Variants in GLP1R observed in about 807,000 individuals in gnomAD.
GLP1R encodes glucagon like peptide 1 receptor, also known as glucagon-like peptide 1 receptor.
Under a neutral mutation model 68.4 loss-of-function variants are expected in GLP1R, and 32 were observed. The ratio of observed to expected loss-of-function variants is 0.47; its 90% CI spans 0.35 to 0.63. The LOEUF (loss-of-function observed/expected upper bound fraction) is 0.63, where lower values mean the gene tolerates loss of function less well. Among genes scored for constraint, GLP1R ranks in the 20% least tolerant of loss-of-function variants. GLP1R has a pLI of 0.00. For missense variants in GLP1R, 502 were observed against 594.9 expected (o/e 0.84, Z 1.62); for synonymous variants, 263 against 244.4 (o/e 1.08, Z -0.71).
At position 39,065,816 on chromosome 6, in the gene GLP1R, A is replaced by C. The variant is rs761383378; in HGVS notation, c.389A>C (p.Lys130Thr). The change falls in exon 4 of 13, where the codon AAG becomes ACG. Residue 130 changes from lysine (K) to threonine (T), a missense_variant. Lys to Thr is a moderately conservative substitution (Grantham distance 78, BLOSUM62 -1). Coordinates refer to ENST00000373256, the MANE Select transcript of GLP1R (RefSeq NM_002062.5). Reference sequence around the variant, plus strand: ...GACTTGTCGGAGTGCGAGGAGTCCAAGCGAGGGGAAAGAGTGAGTTGAGGC... The same window carrying C: ...GACTTGTCGGAGTGCGAGGAGTCCACGCGAGGGGAAAGAGTGAGTTGAGGC... The part of the protein sequence containing the change: ...WRDLSECEES[K>T]RGERSSPEEQ... The C allele has an allele frequency of 4.4e-6, 7 of 1,594,434 alleles. No homozygotes were observed. The South Asian group carries it at 7.8e-5, about 18-fold the overall frequency.
At chr6:39,064,534 C>T (rs1223042320) in intron 3 of GLP1R, among the ~76,000 whole-genome samples, 2 of 152,096 alleles carry the variant, frequency 1.3e-5, no homozygotes, top group Non-Finnish European at 2.9e-5. Context: ...AGGTCAATAT[C>T]CCCCCACCCT....
chr6:39,081,932 A>G (rs1362797090), intron 12 of GLP1R, among the ~76,000 whole-genome samples: 1 of 152,184 alleles, frequency 6.6e-6, no homozygotes, highest in African/African-American at 2.4e-5. Flanking sequence ...TCCTTCCTTC[A>G]AGGTGGGATG....
rs1345687817 is a variant in GLP1R, at chr6:39,086,351, TGAG to T, written c.*284_*286del. 1.1e-5 allele frequency: 4 copies of T among 357,690 alleles called. No homozygotes were observed. The highest frequency in any genetic ancestry group is 4.4e-5 in the Admixed American group (1 of 22,950). The allele number at this position is 357,690 out of a possible 1,614,324, so 22.2% of individuals were successfully genotyped here. ...AGAGGAAAAACGATCGCTGTGAAAA[TGAG>T]GAGGATTGCTTCTTGTGAAACCACA... On this transcript the variant is annotated 3_prime_UTR_variant, in exon 13 of 13. Coordinates refer to ENST00000373256, the MANE Select transcript of GLP1R (RefSeq NM_002062.5). This position sits in a 1 kb window ranked among gnomAD's most constrained non-coding sequence, Gnocchi z 4.5.
chr6:39,050,152 G>C (rs1173636353), intron 1 of GLP1R, among the ~76,000 whole-genome samples: 4 of 152,056 alleles, frequency 2.6e-5, no homozygotes, highest in Non-Finnish European at 5.9e-5. Flanking sequence ...CTGCTGTCCT[G>C]AGCCCCAGGA....
Position 39,065,701 on chromosome 6 carries a change from C to T in GLP1R, c.284-10C>T. ...GGGCTGAGGCTCAGGGCCAGGTCTCCCCACCCCAGTGCCGCAGGGCCACGT... is the reference window on the plus strand; with the variant it reads ...GGGCTGAGGCTCAGGGCCAGGTCTCTCCACCCCAGTGCCGCAGGGCCACGT... On this transcript the variant is annotated splice_polypyrimidine_tract_variant and intron_variant, in intron 3 of 12. Transcript: ENST00000373256. The T allele has an allele frequency of 2.6e-6, 4 of 1,545,208 alleles. No homozygotes were observed. The highest frequency in any genetic ancestry group is 1.8e-6 in the Non-Finnish European group (2 of 1,139,072).
intron 1 of GLP1R, among the ~76,000 whole-genome samples, chr6:39,052,328 G>A (rs539237632): frequency 6.6e-6 from 1 of 152,268 alleles, no homozygotes; most frequent in East Asian, 1.9e-4. Context: ...TTGATGGAAG[G>A]GGTGATTTGA....
rs1281566056 is a variant in GLP1R at position 39,090,281 on chromosome 6, A to T, written c.*4208A>T. Among the ~76,000 whole-genome samples, 1 of 152,254 alleles carries T rather than the reference A, an allele frequency of 6.6e-6. No homozygotes were observed. Among genetic ancestry groups the T allele is most frequent in the African/African-American group, 2.4e-5 (1 of 41,468 alleles). On this transcript the variant is annotated 3_prime_UTR_variant, in exon 13 of 13. Coordinates refer to ENST00000373256, the MANE Select transcript of GLP1R (RefSeq NM_002062.5). ...AGGAATACAGACTGGCAGGAAGCAG[A>T]TAAGCATAATTGTTTTCCAATAACT...
intron 1 of GLP1R, among the ~76,000 whole-genome samples, chr6:39,051,841 T>G (rs2284795): frequency 0.079 from 11,903 of 150,358 alleles, 730 homozygotes; most frequent in East Asian, 0.2. Flanking sequence ...GTGTCTATGT[T>G]TTTGTGACCC....
chr6:39,073,081 C>T, intron 6 of GLP1R, 66 bp downstream of exon 6: 1 of 1,424,668 alleles, frequency 7.0e-7, no homozygotes, highest in Non-Finnish European at 9.8e-7. Context: ...CCTCTGCCAC[C>T]CTAGACAGGC....
Position 39,086,316 on chromosome 6 carries a change from T to G in GLP1R, c.*243T>G. On this transcript the variant is annotated 3_prime_UTR_variant, in exon 13 of 13. Coordinates refer to ENST00000373256, the MANE Select transcript of GLP1R (RefSeq NM_002062.5). The surrounding 1 kb of genome is among the most constrained non-coding windows in gnomAD (Gnocchi z 4.5). ...AAGCAGCCTCCTAATTTGATCACAG[T>G]GGCGAGAGGAGAGGAAAAACGATCG... The G allele has an allele frequency of 2.3e-6, 1 of 439,782 alleles. No homozygotes were observed. The allele number at this position is 439,782 out of a possible 1,614,324, so 27.2% of individuals were successfully genotyped here. A position where few individuals can be genotyped will look rare whatever the true frequency, so the allele number is the denominator to read the frequency against.
chr6:39,085,937 G>C lies in GLP1R; in HGVS notation c.1256G>C (p.Arg419Pro). The C allele has an allele frequency of 6.2e-7, 1 of 1,613,808 alleles. No homozygotes were observed. The highest frequency in any genetic ancestry group is 1.3e-5 in the African/African-American group (1 of 74,976). Residue 419 changes from arginine (R) to proline (P), a missense_variant, in exon 13 of 13, where the codon CGC becomes CCC. Transcript: ENST00000373256. ...VQLEFRKSWE[R>P]WRLEHLHIQR... The stretch of plus-strand genomic sequence containing the variant: ...CTGGAATTTCGGAAGAGCTGGGAGC[G>C]CTGGCGGCTTGAGCACTTGCACATC...
chr6:39,085,796 T>C (rs1769127938), intron 12 of GLP1R, 110 bp from the exon 13 acceptor site: 1 of 1,001,318 alleles, frequency 1.0e-6, no homozygotes, highest in African/African-American at 1.6e-5. Context: ...TTGTGTCTCT[T>C]AATATAATGC....
In GLP1R at chr6:39,057,459, T is replaced by C. The variant is rs1255166461; in HGVS notation, c.176-13T>C. On this transcript the variant is annotated splice_polypyrimidine_tract_variant and intron_variant, in intron 2 of 12. Coordinates refer to ENST00000373256, the MANE Select transcript of GLP1R (RefSeq NM_002062.5). ...ACAAGCAGGGACTCAGAGACTGTTC[T>C]TTCTGCTCCCAGACTTGTTCTGCAA... is the stretch of plus-strand genomic sequence containing the variant. 6.3e-7 allele frequency: 1 copy of C among 1,575,174 alleles called. No individual in the cohort carries two copies. Among genetic ancestry groups the C allele is most frequent in the Admixed American group, 1.7e-5 (1 of 59,946 alleles).
rs751383930 is a variant in GLP1R, at chr6:39,072,851, T to G, written c.510-11T>G. The G allele has an allele frequency of 4.3e-6, 7 of 1,611,792 alleles. No individual in the cohort carries two copies. The highest frequency in any genetic ancestry group is 5.9e-6 in the Non-Finnish European group (7 of 1,178,546). On this transcript the variant is annotated splice_polypyrimidine_tract_variant and intron_variant, in intron 5 of 12. Transcript: ENST00000373256. ...TGCCTTGCCAGGGAAAGGCCCTGCT[T>G]TCTCCCTCAGACACCTGCACTGCAC...
In GLP1R at chr6:39,070,069, C is replaced by G. The variant is rs186555121; in HGVS notation, c.510-2793C>G. Reference sequence around the variant, plus strand: ...AGAAGGCAAAAGGGCAAAAAGGGCTCACAAACTCACTTAGGCCTCTTTTAT... The same window carrying G: ...AGAAGGCAAAAGGGCAAAAAGGGCTGACAAACTCACTTAGGCCTCTTTTAT... On this transcript the variant is annotated intron_variant, in intron 5 of 12. Transcript: ENST00000373256. Among the ~76,000 whole-genome samples the G allele has an allele frequency of 2.8e-3, 427 of 152,238 alleles. 10 individuals carry two copies. Among genetic ancestry groups the G allele is most frequent in the Non-Finnish European group, 1.2e-3 (83 of 68,020 alleles).
chr6:39,069,685 T>A lies in GLP1R; in HGVS notation c.510-3177T>A, dbSNP rs151230737. 3.2e-3 allele frequency among the ~76,000 whole-genome samples: 494 copies of A among 152,116 alleles called. 6 individuals carry two copies. Among genetic ancestry groups the A allele is most frequent in the African/African-American group, 0.011 (471 of 41,468 alleles). ...ATTTTCTACATAGCTCTCATCTTCT[T>A]CTGAGCTCTCACCAGAATCACCTTG... On this transcript the variant is annotated intron_variant, in intron 5 of 12. Transcript: ENST00000373256.
At chr6:39,067,494 T>C (rs555172407) in intron 5 of GLP1R, among the ~76,000 whole-genome samples, 1 of 152,300 alleles carries the variant, frequency 6.6e-6, no homozygotes, top group South Asian at 2.1e-4. Flanking sequence ...GGTGAAAAGC[T>C]CTCACAAACA....
intron 3 of GLP1R, among the ~76,000 whole-genome samples, chr6:39,063,893 C>T (rs572122294): frequency 7.0e-6 from 1 of 142,406 alleles, no homozygotes; most frequent in Admixed American, 7.4e-5. Flanking sequence ...CAGTCCCCAT[C>T]GTGTACACAC....
chr6:39,056,982 G>A (rs1012009518), intron 2 of GLP1R, among the ~76,000 whole-genome samples: 17 of 152,304 alleles, frequency 1.1e-4, no homozygotes, highest in Non-Finnish European at 2.1e-4. Flanking sequence ...AGTTCACAAG[G>A]TGGTTTAAAG....
Sources: allele counts gnomAD v4.1 joint callset (sites outside exome capture counted in the v4.1 genomes callset), GRCh38; gene constraint gnomAD v4.1.1; non-coding constraint Gnocchi (gnomAD v3.1); transcripts MANE v1.5; gene names NCBI Gene and HGNC (gene_info 2026-07-23, HGNC 2026-07-21).